The following FGD6 variants were observed in gnomAD, a reference collection of about 807,000 sequenced individuals.
FGD6 encodes FYVE, RhoGEF and PH domain containing 6, also known as FYVE, RhoGEF and PH domain-containing protein 6.
Under a neutral mutation model 149.4 loss-of-function variants are expected in FGD6, and 90 were observed. The observed-to-expected ratio is 0.60, with a 90% CI of 0.51 to 0.72. The LOEUF is 0.72. FGD6 is among the 30% of genes least tolerant of loss of function. The pLI is 0.00. For missense variants in FGD6, 1,437 were observed against 1,684.8 expected, an observed-to-expected ratio of 0.85 and a Z score of 2.57; for synonymous variants, 527 against 584.0, an observed-to-expected ratio of 0.90 and a Z score of 1.41.
chr12:95,116,780 C>T, intron 8 of FGD6: 1 of 455,124 alleles, frequency 2.2e-6, no homozygotes, highest in East Asian at 7.0e-5. Context: ...ACCCATCCAT[C>T]CATCCATTCA....
intron 5 of FGD6, among the ~76,000 whole-genome samples, chr12:95,148,800 T>C (rs1262370097): frequency 7.0e-5 from 7 of 99,652 alleles, no homozygotes; most frequent in African/African-American, 3.0e-4. Context: ...ATACATAGCA[T>C]ATGTTATATT....
At chr12:95,187,913 TTTC>T (rs1199877613) in intron 2 of FGD6, among the ~76,000 whole-genome samples, 1 of 152,248 alleles carries the variant, frequency 6.6e-6, no homozygotes, top group Non-Finnish European at 1.5e-5. Context: ...CTCAATATTC[TTTC>T]TTATTTCTAA....
chr12:95,171,315 C>T (rs1236406986), intron 3 of FGD6, among the ~76,000 whole-genome samples: 3 of 152,044 alleles, frequency 2.0e-5, no homozygotes, highest in Admixed American at 6.6e-5. Context: ...AGGAATTAGG[C>T]GAAATTATGG....
intron 15 of FGD6, 120 bp downstream of exon 15, chr12:95,094,472 C>T: frequency 3.0e-6 from 2 of 655,788 alleles, no homozygotes; most frequent in Non-Finnish European, 5.3e-6. Flanking sequence ...TAGAGTAACT[C>T]TCTGATGTCC....
chr12:95,113,517 T>C, intron 9 of FGD6, 134 bp downstream of exon 9: 1 of 691,172 alleles, frequency 1.4e-6, no homozygotes, highest in Non-Finnish European at 2.5e-6. Flanking sequence ...ATTACAGGTG[T>C]GAGCCACCGC....
intron 8 of FGD6, among the ~76,000 whole-genome samples, chr12:95,115,866 G>A (rs564160665): frequency 6.6e-6 from 1 of 152,190 alleles, no homozygotes; most frequent in Non-Finnish European, 1.5e-5. Flanking sequence ...CTAAGAGCCT[G>A]TGTGAGTCTA....
In FGD6 at chr12:95,208,802, T is replaced by C. The variant is rs924487139; in HGVS notation, c.2441+41A>G. The C allele has an allele frequency of 3.2e-6, 5 of 1,566,376 alleles. No individual in the cohort carries two copies. The Admixed American group carries it at 5.5e-5, about 17-fold the overall frequency. ...ACTCACCAGGCTGTTGAAGGTTAAT[T>C]GCAATGATGCATGCAAAAGTGTCTG... On this transcript the variant is annotated intron_variant, in intron 2 of 20. Coordinates refer to ENST00000343958, the MANE Select transcript of FGD6 (RefSeq NM_018351.4).
At chr12:95,114,034 T>C (rs1483800847) in intron 8 of FGD6, among the ~76,000 whole-genome samples, 1 of 152,202 alleles carries the variant, frequency 6.6e-6, no homozygotes, top group African/African-American at 2.4e-5. Context: ...ATTCAGCTTT[T>C]ATCCCAACAC....
At chr12:95,086,532 T>TTTC (rs1416672409) in intron 18 of FGD6, among the ~76,000 whole-genome samples, 34 of 149,678 alleles carry the variant, frequency 2.3e-4, no homozygotes, top group African/African-American at 7.7e-4. Context: ...TTGATTTTTT[T>TTTC]TTTCTTTTTT....
At chr12:95,158,294 A>T (rs892271413) in intron 3 of FGD6, among the ~76,000 whole-genome samples, 7 of 149,490 alleles carry the variant, frequency 4.7e-5, no homozygotes, top group Admixed American at 2.0e-4. Flanking sequence ...CAGCCTCCTG[A>T]GTAGCTGGGA....
At chr12:95,157,972 C>T (rs1049803173) in intron 3 of FGD6, among the ~76,000 whole-genome samples, 2 of 151,454 alleles carry the variant, frequency 1.3e-5, no homozygotes, top group East Asian at 3.9e-4. Flanking sequence ...CTTAGCCTCC[C>T]GAGTAGCTGG....
intron 5 of FGD6, among the ~76,000 whole-genome samples, chr12:95,149,478 T>C (rs1315265805): frequency 1.5e-5 from 2 of 134,882 alleles, no homozygotes; most frequent in Non-Finnish European, 3.1e-5. Context: ...ACATAGTATA[T>C]ATCACATATA....
intron 5 of FGD6, among the ~76,000 whole-genome samples, chr12:95,150,516 T>C (rs1880279382): frequency 6.6e-6 from 1 of 152,102 alleles, no homozygotes; most frequent in South Asian, 2.1e-4. Flanking sequence ...ATACAAGAAA[T>C]TCATTTTGAA....
At chr12:95,150,316 C>T (rs867852528) in intron 5 of FGD6, among the ~76,000 whole-genome samples, 4 of 151,956 alleles carry the variant, frequency 2.6e-5, no homozygotes, top group Admixed American at 6.6e-5. Context: ...CATGAGCCAC[C>T]GTACCCGGCC....
intron 2 of FGD6, among the ~76,000 whole-genome samples, chr12:95,208,048 C>T (rs938320033): frequency 6.6e-6 from 1 of 152,014 alleles, no homozygotes; most frequent in Non-Finnish European, 1.5e-5. Flanking sequence ...CCCAGGAGTT[C>T]AAGACCAGCC....
intron 1 of FGD6, among the ~76,000 whole-genome samples, chr12:95,214,558 T>G (rs572518841): frequency 6.6e-6 from 1 of 152,328 alleles, no homozygotes; most frequent in East Asian, 1.9e-4. Flanking sequence ...CTTTGGATCT[T>G]AATACTGCAT....
At chr12:95,206,622 G>C (rs73225627) in intron 2 of FGD6, among the ~76,000 whole-genome samples, 13,264 of 151,496 alleles carry the variant, frequency 0.088, 868 homozygotes, top group Non-Finnish European at 0.11. Flanking sequence ...GAGCCCAGGA[G>C]TTACAGGCTG....
At chr12:95,139,982 A>C (rs183929561) in intron 6 of FGD6, among the ~76,000 whole-genome samples, 4 of 152,140 alleles carry the variant, frequency 2.6e-5, no homozygotes, top group Admixed American at 1.3e-4. Flanking sequence ...CTCAGTCCTA[A>C]ATTGTGTATT....
chr12:95,089,671 T>C lies in FGD6; in HGVS notation c.3876A>G (p.Gly1292=), dbSNP rs563099731. Residue 1292 remains glycine, a synonymous_variant, in exon 18 of 21, where the codon GGA becomes GGG. Transcript: ENST00000343958. ...AAGGAGATTTGTGATTTCCAGGAGA[T>C]CCAATCCTAGGGGAGTGCTGGTGAT... is the stretch of plus-strand genomic sequence containing the variant. ...KLDHQHSPRI[G]SPGNHKSPSS... 15 of 1,613,884 alleles carry C rather than the reference T, an allele frequency of 9.3e-6. No homozygotes were observed. The highest frequency in any genetic ancestry group is 4.4e-5 in the South Asian group (4 of 91,060).
Sources: allele counts gnomAD v4.1 joint callset (sites outside exome capture counted in the v4.1 genomes callset), GRCh38; gene constraint gnomAD v4.1.1; transcripts MANE v1.5; gene names NCBI Gene and HGNC (gene_info 2026-07-23, HGNC 2026-07-21).